The following SIL1 variants were observed in gnomAD, a reference collection of about 807,000 sequenced individuals.
The protein encoded by SIL1 is nucleotide exchange factor SIL1.
A neutral mutation model predicts 49.1 loss-of-function variants in SIL1; 40 were observed. That is an observed-to-expected ratio of 0.81 (90% CI 0.63 to 1.06). The LOEUF (loss-of-function observed/expected upper bound fraction) is 1.06, where lower values mean the gene tolerates loss of function less well. SIL1 is among the 50% of genes least tolerant of loss of function. The pLI, the probability that SIL1 is intolerant of heterozygous loss-of-function variation, is 0.00. For missense variants in SIL1, 500 were observed against 572.6 expected (o/e 0.87, Z 1.29); for synonymous variants, 253 against 250.8 (o/e 1.01, Z -0.08).
At chr5:139,036,197 G>A (rs1015225606) in intron 5 of SIL1, among the ~76,000 whole-genome samples, 1 of 152,096 alleles carries the variant, frequency 6.6e-6, no homozygotes, top group Non-Finnish European at 1.5e-5. Context: ...GTTGCAATTG[G>A]TTTTGGCATC....
chr5:139,037,521 TTATTTTTTTTCTCC>T (rs2150442013), intron 5 of SIL1, among the ~76,000 whole-genome samples: 1 of 152,346 alleles, frequency 6.6e-6, no homozygotes, highest in South Asian at 2.1e-4. Context: ...TAAAGCTCTG[TTATTTTTTTTCTCC>T]AATCTATCTT....
intron 7 of SIL1, among the ~76,000 whole-genome samples, chr5:138,978,098 C>G (rs191172838): frequency 2.0e-5 from 3 of 152,284 alleles, no homozygotes. Context: ...ACACAATTCA[C>G]CCATTTAAAG....
chr5:139,062,908 G>C (rs1769626086), intron 3 of SIL1, among the ~76,000 whole-genome samples: 1 of 152,216 alleles, frequency 6.6e-6, no homozygotes, highest in African/African-American at 2.4e-5. Flanking sequence ...TGGGCACTGG[G>C]AAGTATACTG....
chr5:139,033,069 C>G (rs1768827502), intron 5 of SIL1: 1 of 152,190 alleles, frequency 6.6e-6, no homozygotes, highest in Non-Finnish European at 1.5e-5. Flanking sequence ...TCTTGGCTCA[C>G]TGCAGCCTCT....
chr5:139,008,103 G>T (rs1768164240), intron 7 of SIL1, among the ~76,000 whole-genome samples: 1 of 151,586 alleles, frequency 6.6e-6, no homozygotes. Flanking sequence ...GACTCTTTTT[G>T]GTTGGTAAGC....
intron 3 of SIL1, among the ~76,000 whole-genome samples, chr5:139,080,240 G>A (rs1036920274): frequency 1.3e-5 from 2 of 152,222 alleles, no homozygotes; most frequent in Non-Finnish European, 2.9e-5. Flanking sequence ...GTCAACATAC[G>A]TCCATTCATT....
intron 3 of SIL1, among the ~76,000 whole-genome samples, chr5:139,113,215 A>G (rs1770910546): frequency 6.6e-6 from 1 of 152,222 alleles, no homozygotes. Flanking sequence ...TCACTTGTTT[A>G]TCTGCTGACC....
intron 4 of SIL1, among the ~76,000 whole-genome samples, chr5:139,048,251 A>G (rs2150451057): frequency 6.6e-6 from 1 of 152,168 alleles, no homozygotes; most frequent in South Asian, 2.1e-4. Context: ...CCCCAGGCTC[A>G]GGTAATCCTC....
intron 7 of SIL1, among the ~76,000 whole-genome samples, chr5:139,011,445 T>C (rs1164320767): frequency 6.6e-6 from 1 of 152,250 alleles, no homozygotes; most frequent in Non-Finnish European, 1.5e-5. Context: ...CGCTGGGAGC[T>C]GTAGACCGGA....
At chr5:139,113,837 T>C (rs543140332) in intron 3 of SIL1, among the ~76,000 whole-genome samples, 7 of 152,346 alleles carry the variant, frequency 4.6e-5, no homozygotes, top group African/African-American at 1.7e-4. Flanking sequence ...GCTGGGACTA[T>C]TTTGGCAGCT....
chr5:139,118,811 C>T (rs912285694), intron 3 of SIL1, among the ~76,000 whole-genome samples: 1 of 152,182 alleles, frequency 6.6e-6, no homozygotes, highest in African/African-American at 2.4e-5. Flanking sequence ...GAAAACATGT[C>T]AATTCTTTAC....
At chr5:139,020,591 A>G (rs955428196) in intron 7 of SIL1, among the ~76,000 whole-genome samples, 2 of 150,962 alleles carry the variant, frequency 1.3e-5, no homozygotes, top group African/African-American at 4.9e-5. Flanking sequence ...GTGGTGTAGA[A>G]TGATGTGGTG....
At chr5:139,146,085 T>C (rs1299868650) in intron 1 of SIL1, among the ~76,000 whole-genome samples, 1 of 152,098 alleles carries the variant, frequency 6.6e-6, no homozygotes, top group Non-Finnish European at 1.5e-5. Context: ...GTCAAGTGAT[T>C]GCCCCACCTT....
chr5:139,054,709 CAAAGA>C (rs1463077678), intron 3 of SIL1, among the ~76,000 whole-genome samples: 1 of 152,008 alleles, frequency 6.6e-6, no homozygotes, highest in Non-Finnish European at 1.5e-5. Context: ...CTAAGCTCGC[CAAAGA>C]AGAGACTAGG....
chr5:139,009,034 G>A (rs1291326824), intron 7 of SIL1, among the ~76,000 whole-genome samples: 8 of 150,638 alleles, frequency 5.3e-5, no homozygotes, highest in East Asian at 1.9e-4. Context: ...TTTCTGTCTC[G>A]TTGATCTGTC....
At chr5:138,972,728 C>T (rs931088497) in intron 7 of SIL1, among the ~76,000 whole-genome samples, 4 of 152,230 alleles carry the variant, frequency 2.6e-5, no homozygotes, top group African/African-American at 9.6e-5. Context: ...GTTCAAACAG[C>T]AACTAACCTT....
chr5:139,130,491 G>T (rs1161107548), intron 1 of SIL1, among the ~76,000 whole-genome samples: 1 of 152,098 alleles, frequency 6.6e-6, no homozygotes, highest in Non-Finnish European at 1.5e-5. Flanking sequence ...AAGTGTTGGT[G>T]AAGATGTGGA....
At position 138,947,408 on chromosome 5, in the gene SIL1, G is replaced by A. The variant is rs1268341539; in HGVS notation, c.1095C>T (p.Arg365=). ...ACAGGCCTGGCAGGAGGTGTACCTG[G>A]CGATACTGCTGCAGCTTCTCTGGGG... The part of the protein sequence containing the change: ...EMSPEKLQQY[R]QVHLLPGLWE... Residue 365 remains arginine, a synonymous_variant, in exon 10 of 10, where the codon CGC becomes CGT. Transcript: ENST00000394817. The surrounding 1 kb of genome is among the most constrained non-coding windows in gnomAD (Gnocchi z 4.1). 5 of 1,613,498 alleles carry A rather than the reference G, an allele frequency of 3.1e-6. No individual in the cohort carries two copies. Among genetic ancestry groups the A allele is most frequent in the Non-Finnish European group, 4.2e-6 (5 of 1,180,050 alleles).
intron 3 of SIL1, among the ~76,000 whole-genome samples, chr5:139,119,360 C>T (rs767856848): frequency 6.6e-6 from 1 of 152,180 alleles, no homozygotes. Context: ...AACCAGGATG[C>T]TACTGGATGA....
Sources: gnomAD v4.1 joint callset for allele counts (sites outside exome capture counted in the v4.1 genomes callset) on GRCh38, gnomAD v4.1.1 for gene constraint, Gnocchi (gnomAD v3.1) non-coding constraint, MANE v1.5 for transcripts, NCBI Gene and HGNC (gene_info 2026-07-23, HGNC 2026-07-21) for gene names.